The following RBM47 variants were observed in gnomAD, a reference collection of about 807,000 sequenced individuals.
The protein encoded by RBM47 is RNA-binding protein 47.
Under a neutral mutation model 47.1 loss-of-function variants are expected in RBM47, and 21 were observed. The ratio of observed to expected loss-of-function variants is 0.45; its 90% CI spans 0.32 to 0.64. The LOEUF is 0.64. RBM47 is among the 30% of genes least tolerant of loss of function. RBM47 has a pLI of 0.05. For synonymous variants in RBM47, 375 were observed against 361.7 expected (o/e 1.04, Z -0.42); for missense variants, 708 against 870.9 (o/e 0.81, Z 2.35).
chr4:40,456,571 C>CTTTTTTTTTTTTTTTTTTTTTTTTCT (rs34320480), intron 3 of RBM47, among the ~76,000 whole-genome samples: 1 of 112,578 alleles, frequency 8.9e-6, no homozygotes, highest in Non-Finnish European at 1.7e-5. Flanking sequence ...TTTCTTTTTT[C>CTTTTTTTTTTTTTTTTTTTTTTTTCT]TTTTTTTTTT....
At chr4:40,460,633 C>T (rs191569654) in intron 3 of RBM47, among the ~76,000 whole-genome samples, 73 of 152,172 alleles carry the variant, frequency 4.8e-4, no homozygotes, top group Non-Finnish European at 7.5e-4. Flanking sequence ...TGAGATTGTG[C>T]CACTGCACTC....
At chr4:40,511,005 G>C (rs1178509955) in intron 2 of RBM47, among the ~76,000 whole-genome samples, 1 of 152,186 alleles carries the variant, frequency 6.6e-6, no homozygotes, top group African/African-American at 2.4e-5. Context: ...CCTTACTTAA[G>C]ATCTTGAGTT....
chr4:40,548,611 T>G (rs1273757770), intron 1 of RBM47, among the ~76,000 whole-genome samples: 1 of 152,092 alleles, frequency 6.6e-6, no homozygotes, highest in Non-Finnish European at 1.5e-5. Context: ...CGGGTGACAC[T>G]GCCCAAGGGC....
chr4:40,582,339 GC>G (rs1733034891), intron 1 of RBM47, among the ~76,000 whole-genome samples: 1 of 152,094 alleles, frequency 6.6e-6, no homozygotes, highest in African/African-American at 2.4e-5. Context: ...TTCAAGACCA[GC>G]CTGGTCAACA....
At chr4:40,570,549 AC>A (rs762528767) in intron 1 of RBM47, among the ~76,000 whole-genome samples, 5 of 151,894 alleles carry the variant, frequency 3.3e-5, no homozygotes, top group Admixed American at 1.3e-4. Flanking sequence ...GTGCTGGCTC[AC>A]CCGCTGCTCA....
intron 1 of RBM47, among the ~76,000 whole-genome samples, chr4:40,544,816 T>C (rs1728859627): frequency 6.6e-6 from 1 of 152,164 alleles, no homozygotes; most frequent in Admixed American, 6.6e-5. Flanking sequence ...ATGCCTGTAA[T>C]CACAGCACTT....
intron 3 of RBM47, among the ~76,000 whole-genome samples, chr4:40,443,752 AG>A (rs1714065665): frequency 7.2e-6 from 1 of 139,362 alleles, no homozygotes; most frequent in Non-Finnish European, 1.5e-5. Context: ...AAAAAAAAAA[AG>A]GTACACTGAC....
At chr4:40,495,124 T>C (rs943739091) in intron 2 of RBM47, among the ~76,000 whole-genome samples, 1 of 152,072 alleles carries the variant, frequency 6.6e-6, no homozygotes, top group African/African-American at 2.4e-5. Flanking sequence ...TATTTTGGAT[T>C]AGGTTTCTAT....
chr4:40,523,998 TTTGGGAAATAC>T (rs1425205940), intron 2 of RBM47, among the ~76,000 whole-genome samples: 9 of 152,164 alleles, frequency 5.9e-5, no homozygotes, highest in African/African-American at 1.9e-4. Context: ...CCATACAATG[TTTGGGAAATAC>T]TTGTACTAAT....
At chr4:40,529,513 C>CAAA (rs1727142785) in intron 2 of RBM47, among the ~76,000 whole-genome samples, 1 of 17,370 alleles carries the variant, frequency 5.8e-5, no homozygotes, top group Non-Finnish European at 9.4e-5. Flanking sequence ...GAGACTCTGT[C>CAAA]ACAAAAAAAA....
At chr4:40,479,643 C>T (rs1233802388) in intron 2 of RBM47, among the ~76,000 whole-genome samples, 4 of 150,874 alleles carry the variant, frequency 2.7e-5, no homozygotes, top group Admixed American at 6.6e-5. Flanking sequence ...TAAAATGGTA[C>T]CTTCTCAATT....
intron 1 of RBM47, among the ~76,000 whole-genome samples, chr4:40,615,821 C>T (rs1048737872): frequency 5.3e-5 from 8 of 152,034 alleles, no homozygotes; most frequent in African/African-American, 1.7e-4. Context: ...AAACTTCAGG[C>T]GCTTCATATC....
intron 2 of RBM47, among the ~76,000 whole-genome samples, chr4:40,503,347 G>A (rs1723654719): frequency 6.6e-6 from 1 of 152,202 alleles, no homozygotes; most frequent in South Asian, 2.1e-4. Flanking sequence ...CATCATGGAT[G>A]AGGGGATTAT....
chr4:40,566,409 G>A (rs1731107907), intron 1 of RBM47, among the ~76,000 whole-genome samples: 1 of 152,176 alleles, frequency 6.6e-6, no homozygotes, highest in Non-Finnish European at 1.5e-5. Flanking sequence ...CACTTTGGGA[G>A]GCTGAGGTGG....
chr4:40,540,939 T>C (rs1011506566), intron 2 of RBM47, among the ~76,000 whole-genome samples: 3 of 151,980 alleles, frequency 2.0e-5, no homozygotes, highest in African/African-American at 7.2e-5. Flanking sequence ...ATAAGCTCTA[T>C]ATAAGGTCAT....
intron 1 of RBM47, among the ~76,000 whole-genome samples, chr4:40,591,117 A>T (rs1734097293): frequency 6.6e-6 from 1 of 152,122 alleles, no homozygotes; most frequent in African/African-American, 2.4e-5. Context: ...GGTTCCATTT[A>T]TATGAAAAAT....
At chr4:40,553,883 A>G (rs1388310036) in intron 1 of RBM47, among the ~76,000 whole-genome samples, 1 of 152,192 alleles carries the variant, frequency 6.6e-6, no homozygotes, top group Admixed American at 6.5e-5. Context: ...AACCTCTACT[A>G]AGAAGTTCTT....
chr4:40,616,266 A>G (rs1423991731), intron 1 of RBM47, among the ~76,000 whole-genome samples: 1 of 151,402 alleles, frequency 6.6e-6, no homozygotes, highest in Non-Finnish European at 1.5e-5. Flanking sequence ...AGGCAGGAGA[A>G]TGGCGTGAAC....
chr4:40,625,276 A>C (rs184375267), intron 1 of RBM47, among the ~76,000 whole-genome samples: 50 of 152,258 alleles, frequency 3.3e-4, no homozygotes, highest in African/African-American at 1.2e-3. Flanking sequence ...AATTAAATTG[A>C]TCTAAGAGAA....
Sources: gnomAD v4.1 joint callset for allele counts (sites outside exome capture counted in the v4.1 genomes callset) on GRCh38, gnomAD v4.1.1 for gene constraint, MANE v1.5 for transcripts, NCBI Gene and HGNC (gene_info 2026-07-23, HGNC 2026-07-21) for gene names.